GRHL2: variants seen among roughly 807,000 people sequenced by gnomAD.
GRHL2 encodes the protein grainyhead like transcription factor 2.
GRHL2 carries 21 observed loss-of-function variants against 83.8 expected under a neutral mutation model. The ratio of observed to expected loss-of-function variants is 0.25; its 90% CI spans 0.18 to 0.36. The LOEUF is 0.36. GRHL2 is among the 10% of genes least tolerant of loss of function. The probability of loss-of-function intolerance (pLI) is 1.00; values close to 1 mark genes in which losing one functional copy is unlikely to be tolerated. For missense variants in GRHL2, 623 were observed against 781.8 expected, an observed-to-expected ratio of 0.80 and a Z score of 2.42; for synonymous variants, 280 against 278.9, an observed-to-expected ratio of 1.00 and a Z score of -0.04.
At chr8:101,540,243 G>T (rs1219271559) in intron 1 of GRHL2, among the ~76,000 whole-genome samples, 1 of 152,138 alleles carries the variant, frequency 6.6e-6, no homozygotes, top group Non-Finnish European at 1.5e-5. Context: ...ATCTTCATAA[G>T]CACATTGTAA....
chr8:101,535,666 G>A (rs1321772450), intron 1 of GRHL2, among the ~76,000 whole-genome samples: 2 of 152,074 alleles, frequency 1.3e-5, no homozygotes, highest in Non-Finnish European at 2.9e-5. Context: ...AGCCTCCCAA[G>A]TAGCTGGGAT....
At chr8:101,608,741 A>T (rs113650682) in intron 8 of GRHL2, among the ~76,000 whole-genome samples, 9,650 of 43,148 alleles carry the variant, frequency 0.22, 1,038 homozygotes, top group African/African-American at 0.47. Flanking sequence ...TCTCTCACAC[A>T]CACACACACA....
chr8:101,676,128 A>G, the GRHL2 span, among the ~76,000 whole-genome samples: 2 of 151,516 alleles, frequency 1.3e-5, no homozygotes, highest in African/African-American at 2.4e-5. Context: ...CCTAGGCATT[A>G]CCATTCAGGA....
chr8:101,590,688 T>C (rs956139691), intron 7 of GRHL2, among the ~76,000 whole-genome samples: 1 of 152,214 alleles, frequency 6.6e-6, no homozygotes, highest in African/African-American at 2.4e-5. Flanking sequence ...GTTCCTTCTC[T>C]TTATACCTTG....
chr8:101,505,129 G>T (rs560777641), intron 1 of GRHL2, among the ~76,000 whole-genome samples: 1 of 152,102 alleles, frequency 6.6e-6, no homozygotes, highest in Non-Finnish European at 1.5e-5. Flanking sequence ...CATTTTGGCC[G>T]TGTGCTCAAA....
intron 1 of GRHL2, among the ~76,000 whole-genome samples, chr8:101,493,961 G>A (rs917351119): frequency 6.6e-6 from 1 of 152,136 alleles, no homozygotes; most frequent in Non-Finnish European, 1.5e-5. Context: ...GGTGGGTCCC[G>A]CGGCCTTTCT....
In GRHL2 at chr8:101,561,668, C is replaced by T. The variant is rs192042720; in HGVS notation, c.678+2856C>T. 1.6e-4 allele frequency among the ~76,000 whole-genome samples: 24 copies of T among 152,296 alleles called. No individual in the cohort carries two copies. In the East Asian group the frequency reaches 3.9e-3, roughly 24 times the overall value. The stretch of plus-strand genomic sequence containing the variant: ...GCAAAGAATATTTTATTTTATACAT[C>T]ACTAGCCATGAATTTTTGCCATTAG... On this transcript the variant is annotated intron_variant, in intron 4 of 15. Coordinates refer to ENST00000646743, the MANE Select transcript of GRHL2 (RefSeq NM_024915.4).
At chr8:101,558,856 C>G (rs1350924793) in intron 4 of GRHL2, 44 bp downstream of exon 4, 1 of 1,599,776 alleles carries the variant, frequency 6.3e-7, no homozygotes, top group South Asian at 1.1e-5. Flanking sequence ...AAACCCAGAG[C>G]CCCTAGCTAA....
At chr8:101,675,135 T>A in the GRHL2 span, among the ~76,000 whole-genome samples, 7 of 152,120 alleles carry the variant, frequency 4.6e-5, no homozygotes, top group African/African-American at 1.7e-4. Flanking sequence ...AGCATTCCCT[T>A]TGAAAACTGG....
chr8:101,526,620 T>C (rs1054559403), intron 1 of GRHL2, among the ~76,000 whole-genome samples: 1 of 151,546 alleles, frequency 6.6e-6, no homozygotes, highest in African/African-American at 2.4e-5. Flanking sequence ...GACTCTCGCT[T>C]GGTTTATTTT....
At chr8:101,545,610 A>G (rs1811245588) in intron 2 of GRHL2, among the ~76,000 whole-genome samples, 1 of 152,094 alleles carries the variant, frequency 6.6e-6, no homozygotes, top group Non-Finnish European at 1.5e-5. Context: ...AAATGTTTCA[A>G]ATTGAAAATT....
intron 4 of GRHL2, among the ~76,000 whole-genome samples, chr8:101,564,588 T>A (rs13251144): frequency 2.6e-5 from 4 of 152,032 alleles, no homozygotes; most frequent in African/African-American, 9.7e-5. Context: ...GGAGGATCAT[T>A]TGAGCCCATG....
intron 7 of GRHL2, among the ~76,000 whole-genome samples, chr8:101,594,838 TTAAGA>T (rs985805273): frequency 1.8e-4 from 28 of 152,294 alleles, no homozygotes; most frequent in African/African-American, 6.7e-4. Context: ...GCAGCAGTAT[TTAAGA>T]TAAGTTCCTT....
At chr8:101,602,054 C>G (rs138767136) in intron 8 of GRHL2, among the ~76,000 whole-genome samples, 3 of 152,150 alleles carry the variant, frequency 2.0e-5, no homozygotes, top group Non-Finnish European at 4.4e-5. Context: ...TCAGCTCCCA[C>G]TTATGAGTGA....
chr8:101,548,611 A>G (rs568282217), intron 2 of GRHL2, among the ~76,000 whole-genome samples: 1 of 152,340 alleles, frequency 6.6e-6, no homozygotes, highest in South Asian at 2.1e-4. Context: ...GAGGAGAACA[A>G]TAATTAAGAG....
chr8:101,549,949 A>G lies in GRHL2; in HGVS notation c.217-2766A>G, dbSNP rs1811344147. Among the ~76,000 whole-genome samples the G allele has an allele frequency of 3.3e-5, 5 of 151,936 alleles. No homozygotes were observed. The South Asian group carries it at 8.3e-4, about 25-fold the overall frequency. On this transcript the variant is annotated intron_variant, in intron 2 of 15. Coordinates refer to ENST00000646743, the MANE Select transcript of GRHL2 (RefSeq NM_024915.4). ...TATAGGAATAACTATATTTTAGGAAAGAAACTAAGTGCTCTCTAGTGGGGT... is the reference window on the plus strand; with the variant it reads ...TATAGGAATAACTATATTTTAGGAAGGAAACTAAGTGCTCTCTAGTGGGGT...
chr8:101,657,844 G>A (rs1465265118), intron 14 of GRHL2, among the ~76,000 whole-genome samples: 4 of 143,994 alleles, frequency 2.8e-5, no homozygotes, highest in Admixed American at 6.9e-5. Flanking sequence ...AAAAAAAAAA[G>A]ACAGAAAAAG....
At chr8:101,595,262 G>A (rs1388220279) in intron 7 of GRHL2, among the ~76,000 whole-genome samples, 1 of 152,166 alleles carries the variant, frequency 6.6e-6, no homozygotes, top group African/African-American at 2.4e-5. Flanking sequence ...TATCTATATT[G>A]CATTTGTTTT....
At chr8:101,630,898 AG>A (rs1813173372) in intron 9 of GRHL2, among the ~76,000 whole-genome samples, 1 of 152,216 alleles carries the variant, frequency 6.6e-6, no homozygotes, top group Admixed American at 6.5e-5. Flanking sequence ...ATTATAGGCC[AG>A]GAAGTAAAGA....
Sources: allele counts gnomAD v4.1 joint callset (sites outside exome capture counted in the v4.1 genomes callset), GRCh38; gene constraint gnomAD v4.1.1; transcripts MANE v1.5; gene names NCBI Gene and HGNC (gene_info 2026-07-23, HGNC 2026-07-21).